The following FANCD2 variants were observed in gnomAD, a reference collection of about 807,000 sequenced individuals.
FANCD2 encodes the protein FA complementation group D2.
A neutral mutation model predicts 192.3 loss-of-function variants in FANCD2; 131 were observed. The ratio of observed to expected loss-of-function variants is 0.68; its 90% CI spans 0.59 to 0.79. The LOEUF (loss-of-function observed/expected upper bound fraction) is 0.79, where lower values mean the gene tolerates loss of function less well. FANCD2 is among the 30% of genes least tolerant of loss of function. The probability of loss-of-function intolerance (pLI) is 0.00; values close to 1 mark genes in which losing one functional copy is unlikely to be tolerated. For missense variants in FANCD2, 1,508 were observed against 1,701.6 expected (o/e 0.89, Z 2.00); for synonymous variants, 524 against 612.5 (o/e 0.86, Z 2.13).
chr3:10,074,866 T>C (rs563137494), intron 29 of FANCD2, among the ~76,000 whole-genome samples, 193 bp downstream of exon 29: 1 of 152,238 alleles, frequency 6.6e-6, no homozygotes, highest in Non-Finnish European at 1.5e-5. Flanking sequence ...TGTAATAATG[T>C]GTCAGACATT....
chr3:10,098,983 A>G, intron 43 of FANCD2, 168 bp downstream of exon 43: 2 of 1,614,120 alleles, frequency 1.2e-6, no homozygotes, highest in Non-Finnish European at 1.7e-6. Context: ...TTTGGGACCC[A>G]GAAGAAACAA....
At chr3:10,084,062 C>G (rs758768787) in intron 32 of FANCD2, among the ~76,000 whole-genome samples, 1 of 151,530 alleles carries the variant, frequency 6.6e-6, no homozygotes. Context: ...GGCGCGATCT[C>G]GGCTCACTAT....
In FANCD2 at chr3:10,085,786, A is replaced by T. The variant is rs199616966; in HGVS notation, c.3225-26A>T. ...CAAGTAGTTTTCCAGAAACTAAGCT[A>T]ACCCCTCTTACCTTGACTTCCTTAG... On this transcript the variant is annotated intron_variant, in intron 32 of 43. Transcript: ENST00000675286. 892 of 1,467,658 alleles carry T rather than the reference A, an allele frequency of 6.1e-4. 2 individuals carry two copies. The highest frequency in any genetic ancestry group is 7.7e-4 in the Non-Finnish European group (810 of 1,046,434). 90.9% of individuals were successfully genotyped at this position (1,467,658 alleles called of 1,614,324 possible).
At chr3:10,088,266 C>A (rs1694355064) in intron 34 of FANCD2, among the ~76,000 whole-genome samples, 183 bp from the exon 35 acceptor site, 1 of 152,152 alleles carries the variant, frequency 6.6e-6, no homozygotes, top group Non-Finnish European at 1.5e-5. Flanking sequence ...GAGTTTATGT[C>A]TGGCAAAAGG....
chr3:10,048,090 G>A (rs773911257), intron 16 of FANCD2, 39 bp downstream of exon 16: 3 of 1,612,776 alleles, frequency 1.9e-6, no homozygotes, highest in South Asian at 1.1e-5. Flanking sequence ...AGGGAACACA[G>A]AAAGGGAAAA....
At position 10,057,249 on chromosome 3, in the gene FANCD2, G is replaced by A. The variant is rs1247134524; in HGVS notation, c.1657-3045G>A. On this transcript the variant is annotated intron_variant, in intron 18 of 43. Coordinates refer to ENST00000675286, the MANE Select transcript of FANCD2 (RefSeq NM_001018115.3). ...TGATCCCTTATCAGATATATGATTT[G>A]CAAATATTTTCTCCCATTCTATGGG... Among the ~76,000 whole-genome samples the A allele has an allele frequency of 1.8e-4, 27 of 152,168 alleles. 1 individual carries two copies. The highest frequency in any genetic ancestry group is 2.1e-4 in the South Asian group (1 of 4,822).
chr3:10,026,936 G>T (rs865820522), intron 1 of FANCD2, among the ~76,000 whole-genome samples: 3 of 152,072 alleles, frequency 2.0e-5, no homozygotes, highest in Middle Eastern at 3.4e-3. Flanking sequence ...TAATCATCAA[G>T]AGTAAGTATA....
At position 10,094,466 on chromosome 3, in the gene FANCD2, C is replaced by T. The variant is rs7610821; in HGVS notation, c.3963+103C>T. 0.18 allele frequency: 172,991 copies of T among 949,642 alleles called. 19,273 individuals carry two copies. Among genetic ancestry groups the T allele is most frequent in the African/African-American group, 0.46 (28,836 of 62,156 alleles). 58.8% of individuals were successfully genotyped at this position (949,642 alleles called of 1,614,324 possible). A position where few individuals can be genotyped will look rare whatever the true frequency, so the allele number is the denominator to read the frequency against. ...GGGCTGGGAGTGTTCTACCTGGGCT[C>T]CTCTGGTCCACTTCAGCTGTAGCCA... On this transcript the variant is annotated intron_variant, in intron 40 of 43. Coordinates refer to ENST00000675286, the MANE Select transcript of FANCD2 (RefSeq NM_001018115.3).
rs1206513876 is a variant in FANCD2, at chr3:10,072,948, A to G, written c.2572A>G (p.Ile858Val). 3 of 1,607,392 alleles carry G rather than the reference A, an allele frequency of 1.9e-6. No homozygotes were observed. Among genetic ancestry groups the G allele is most frequent in the Admixed American group, 1.7e-5 (1 of 60,010 alleles). The change falls in exon 27 of 44, where the codon ATT (isoleucine) becomes GTT (valine). Residue 858 changes from isoleucine (I) to valine (V), a missense_variant. By Grantham distance (29) the Ile-to-Val change is conservative. This residue lies in a region of FANCD2 where 796 missense variants were observed against 879.4 expected (regional missense o/e 0.91). Coordinates refer to ENST00000675286, the MANE Select transcript of FANCD2 (RefSeq NM_001018115.3). ...LDITPHTVTAISAKIRKKGKI... is the reference protein window; with the variant it reads ...LDITPHTVTAVSAKIRKKGKI... ...TATAACACCTCATACTGTTACTGCT[A>G]TTTCAGCAAAAATCAGAAAGAAAGG...
In FANCD2 at chr3:10,051,711, A is replaced by G. The variant is rs1047699943; in HGVS notation, c.1546-676A>G. 2.8e-4 allele frequency among the ~76,000 whole-genome samples: 43 copies of G among 152,202 alleles called. 1 individual carries two copies. Among genetic ancestry groups the G allele is most frequent in the South Asian group, 4.1e-4 (2 of 4,830 alleles). ...CTTGTAGGCTGAGAGAAAGGATTCA[A>G]TAGAGAGGAAGAAATGGAGATTTTT... On this transcript the variant is annotated intron_variant, in intron 17 of 43. Transcript: ENST00000675286.
rs752376206 is a variant in FANCD2 at position 10,096,424 on chromosome 3, T to G, written c.4137T>G (p.Asn1379Lys). Residue 1379 changes from asparagine to lysine, a missense_variant, in exon 42 of 44, where the codon AAT becomes AAG. By Grantham distance (94) the Asn-to-Lys change is moderately conservative (BLOSUM62 0). Transcript: ENST00000675286. ...TCAAAGCTATGCTCACTCTCAACAA[T>G]TGTAGAGAGGCTTTCTGGCTGGGCA... ...CRVKAMLTLN[N>K]CREAFWLGNL... is the part of the protein sequence containing the mutation. The G allele has an allele frequency of 6.2e-7, 1 of 1,614,136 alleles. No individual in the cohort carries two copies. Among genetic ancestry groups the G allele is most frequent in the Non-Finnish European group, 8.5e-7 (1 of 1,180,004 alleles).
rs1420795802 is a variant in FANCD2 at position 10,065,431 on chromosome 3, T to A, written c.2206T>A (p.Leu736Ile). The A allele has an allele frequency of 1.5e-5, 24 of 1,613,914 alleles. No individual in the cohort carries two copies. The highest frequency in any genetic ancestry group is 1.9e-5 in the Non-Finnish European group (23 of 1,179,902). The change falls in exon 24 of 44, where the codon TTA becomes ATA. Residue 736 changes from leucine to isoleucine, a missense_variant. By Grantham distance (5) the Leu-to-Ile change is conservative. Coordinates refer to ENST00000675286, the MANE Select transcript of FANCD2 (RefSeq NM_001018115.3). ...GCTGTGCCTGGCTCCGTATTTCCGG[T>A]TACTGAGACTTTGTGTGGAGAGACA... Reference protein sequence around the residue: ...SPLCLAPYFRLLRLCVERQHN... With the variant: ...SPLCLAPYFRILRLCVERQHN...
Position 10,073,491 on chromosome 3 carries a change from G to C in FANCD2, c.2715+129G>C, listed in dbSNP as rs3843378. 1.7e-3 allele frequency: 1,354 copies of C among 785,610 alleles called. 2 individuals carry two copies. The highest frequency in any genetic ancestry group is 2.5e-3 in the Non-Finnish European group (1,114 of 439,176). 48.7% of individuals were successfully genotyped at this position (785,610 alleles called of 1,614,324 possible). The stretch of plus-strand genomic sequence containing the variant: ...ACAGCGAGCCAAAACTCTCTTAGGC[G>C]TTGGAGTAATCTCCTTAGTAGCAAA... On this transcript the variant is annotated intron_variant, in intron 28 of 43. Coordinates refer to ENST00000675286, the MANE Select transcript of FANCD2 (RefSeq NM_001018115.3).
chr3:10,088,673 C>A, intron 35 of FANCD2, 131 bp downstream of exon 35: 2 of 1,084,658 alleles, frequency 1.8e-6, no homozygotes, highest in Middle Eastern at 4.3e-4. Context: ...AAAATGAACA[C>A]AATTTGGAAC....
At chr3:10,087,371 A>G (rs1559403833) in intron 34 of FANCD2, 107 bp downstream of exon 34, 3 of 1,100,676 alleles carry the variant, frequency 2.7e-6, no homozygotes, top group Non-Finnish European at 3.9e-6. Context: ...GTAAATCCCC[A>G]CATAACCTTG....
chr3:10,042,945 T>C (rs2086901518), intron 11 of FANCD2, 105 bp from the exon 12 acceptor site: 5 of 1,034,074 alleles, frequency 4.8e-6, no homozygotes, highest in Middle Eastern at 2.2e-4. Flanking sequence ...CATTTAAATT[T>C]TTTTCTTCCT....
intron 30 of FANCD2, among the ~76,000 whole-genome samples, chr3:10,078,596 C>T (rs1183322457): frequency 4.0e-5 from 6 of 151,566 alleles, no homozygotes; most frequent in East Asian, 2.0e-4. Context: ...CCTTGTGATC[C>T]GCCCACCTTG....
intron 14 of FANCD2, chr3:10,045,464 A>T (rs2086979059): frequency 6.7e-6 from 1 of 150,064 alleles, no homozygotes; most frequent in African/African-American, 2.5e-5. Context: ...CACCATGCCT[A>T]GCATGGCTTA....
rs568493521 is a variant in FANCD2, at chr3:10,060,442, G to A, written c.1766+39G>A. ...TTCTGACTTCTGTGGTTTAAGATCA[G>A]TTAATCTTGCTAACTAAGTGTTACA... is the stretch of plus-strand genomic sequence containing the variant. On this transcript the variant is annotated intron_variant, in intron 19 of 43. Transcript: ENST00000675286. The A allele has an allele frequency of 1.4e-6, 2 of 1,466,516 alleles. No individual in the cohort carries two copies. Among genetic ancestry groups the A allele is most frequent in the Non-Finnish European group, 9.6e-7 (1 of 1,045,966 alleles). The allele number at this position is 1,466,516 out of a possible 1,614,324, so 90.8% of individuals were successfully genotyped here. A position where few individuals can be genotyped will look rare whatever the true frequency, so the allele number is the denominator to read the frequency against.
Sources: gnomAD v4.1 joint callset for allele counts (sites outside exome capture counted in the v4.1 genomes callset) on GRCh38, gnomAD v4.1.1 for gene constraint, gnomAD v4.1.1 regional missense constraint, MANE v1.5 for transcripts, NCBI Gene and HGNC (gene_info 2026-07-23, HGNC 2026-07-21) for gene names.